Variants in CLUAP1 observed in about 807,000 individuals in gnomAD.
CLUAP1 encodes the protein intraflagellar transport 38, also known as clusterin-associated protein 1.
A neutral mutation model predicts 55.0 loss-of-function variants in CLUAP1; 50 were observed. The ratio of observed to expected loss-of-function variants is 0.91; its 90% CI spans 0.72 to 1.15. The LOEUF (loss-of-function observed/expected upper bound fraction) is 1.15. Ranked by LOEUF, CLUAP1 falls within the 50% of genes most tolerant of loss-of-function variation. The pLI is 0.00. For missense variants in CLUAP1, 530 were observed against 507.6 expected (o/e 1.04, Z -0.42); for synonymous variants, 195 against 175.4 (o/e 1.11, Z -0.88).
At chr16:3,504,164 A>G (rs574390411) in intron 1 of CLUAP1, among the ~76,000 whole-genome samples, 1 of 152,198 alleles carries the variant, frequency 6.6e-6, no homozygotes, top group East Asian at 1.9e-4. Context: ...TAGTTCAACC[A>G]CTCTATTTAA....
chr16:3,510,961 A>G (rs1186632704), intron 4 of CLUAP1, among the ~76,000 whole-genome samples: 1 of 152,186 alleles, frequency 6.6e-6, no homozygotes, highest in African/African-American at 2.4e-5. Context: ...CAGCACACAG[A>G]TGGTATTAAA....
At chr16:3,510,704 T>C (rs768928992) in intron 4 of CLUAP1, among the ~76,000 whole-genome samples, 232 of 152,364 alleles carry the variant, frequency 1.5e-3, no homozygotes, top group Non-Finnish European at 2.7e-3. Context: ...TCTTTAATTC[T>C]TAAGTAATTT....
chr16:3,511,504 G>A (rs1320309535), intron 4 of CLUAP1, among the ~76,000 whole-genome samples: 2 of 152,192 alleles, frequency 1.3e-5, no homozygotes, highest in African/African-American at 4.8e-5. Context: ...GCCTGTGGAG[G>A]AAAGTCTGAG....
intron 4 of CLUAP1, among the ~76,000 whole-genome samples, chr16:3,510,126 C>CT (rs1567426201): frequency 6.6e-6 from 1 of 152,056 alleles, no homozygotes; most frequent in Non-Finnish European, 1.5e-5. Context: ...TCCTGAGTAG[C>CT]TGAGATTACA....
At chr16:3,495,790 G>A in the CLUAP1 span, among the ~76,000 whole-genome samples, 2 of 152,178 alleles carry the variant, frequency 1.3e-5, no homozygotes, top group African/African-American at 4.8e-5. Context: ...GACCTAGGAA[G>A]ACCTAGGTCG....
intron 6 of CLUAP1, among the ~76,000 whole-genome samples, chr16:3,518,046 A>G (rs183332486): frequency 6.6e-6 from 1 of 152,032 alleles, no homozygotes; most frequent in Non-Finnish European, 1.5e-5. Flanking sequence ...TGTTTTGATG[A>G]TTGTATTGTG....
At chr16:3,524,330 G>A (rs952610414) in intron 8 of CLUAP1, among the ~76,000 whole-genome samples, 13 of 150,962 alleles carry the variant, frequency 8.6e-5, no homozygotes, top group Admixed American at 5.9e-4. Context: ...GGCCGGGCGC[G>A]GTGGCTCACG....
At chr16:3,533,383 T>TG (rs2038168092) in intron 11 of CLUAP1, 5 of 547,748 alleles carry the variant, frequency 9.1e-6, no homozygotes, top group Non-Finnish European at 1.6e-5. Flanking sequence ...CCTCAGGCCC[T>TG]GGGCCGCCAC....
intron 2 of CLUAP1, among the ~76,000 whole-genome samples, 177 bp downstream of exon 2, chr16:3,505,008 T>C (rs902741765): frequency 5.3e-5 from 8 of 152,150 alleles, no homozygotes; most frequent in African/African-American, 1.9e-4. Context: ...ACTGCTCTCA[T>C]CCCAGCACTT....
chr16:3,536,091 C>T (rs749481534), intron 11 of CLUAP1, 31 bp from the exon 12 acceptor site: 6 of 1,609,784 alleles, frequency 3.7e-6, no homozygotes, highest in Non-Finnish European at 5.1e-6. Flanking sequence ...AGGCAGGATC[C>T]CCCGTTGCAT....
At chr16:3,529,953 CATATATA>C (rs1180680621) in intron 9 of CLUAP1, among the ~76,000 whole-genome samples, 1 of 123,942 alleles carries the variant, frequency 8.1e-6, no homozygotes, top group African/African-American at 3.1e-5. Flanking sequence ...AATTATATAA[CATATATA>C]ATATATTAGT....
chr16:3,513,944 G>T (rs1217253742), intron 5 of CLUAP1, among the ~76,000 whole-genome samples: 3 of 152,202 alleles, frequency 2.0e-5, no homozygotes, highest in Non-Finnish European at 4.4e-5. Context: ...GTGGAAGTCT[G>T]GGGAAGAGGG....
chr16:3,517,479 G>GT lies in CLUAP1; in HGVS notation c.579+1899dup, dbSNP rs879541774. Among the ~76,000 whole-genome samples, 506 of 143,468 alleles carry GT rather than the reference G, an allele frequency of 3.5e-3. 2 individuals are homozygous for GT. Among genetic ancestry groups the GT allele is most frequent in the African/African-American group, 9.8e-3 (385 of 39,290 alleles). The allele number at this position is 143,468 out of a possible 152,430, so 94.1% of individuals were successfully genotyped here. ...GCGCCACCACGCCCAGCTAATTTTT[G>GT]TTTTTTTTTTTAGTAGAGATGGAGT... On this transcript the variant is annotated intron_variant, in intron 6 of 11. Transcript: ENST00000576634.
At position 3,536,149 on chromosome 16, in the gene CLUAP1, A is replaced by G. The variant is rs2038227056; in HGVS notation, c.1120A>G (p.Met374Val). The G allele has an allele frequency of 6.2e-7, 1 of 1,614,146 alleles. No homozygotes were observed. The highest frequency in any genetic ancestry group is 1.7e-5 in the Admixed American group (1 of 60,010). ...NEDSEESEIDMEDDDDEDDDL... is the reference protein window; with the variant it reads ...NEDSEESEIDVEDDDDEDDDL... ...GGACTCGGAGGAGAGTGAAATTGAC[A>G]TGGAAGATGATGATGACGAGGATGA... Residue 374 changes from methionine to valine, a missense_variant, in exon 12 of 12, where the codon ATG (methionine) becomes GTG (valine). Transcript: ENST00000576634.
chr16:3,533,227 C>A, intron 11 of CLUAP1: 2 of 1,205,634 alleles, frequency 1.7e-6, no homozygotes, highest in South Asian at 1.3e-5. Flanking sequence ...AGGGGCCTCT[C>A]CCTAGGAGTG....
intron 7 of CLUAP1, 66 bp downstream of exon 7, chr16:3,520,102 G>T: frequency 1.4e-6 from 2 of 1,470,680 alleles, no homozygotes; most frequent in Non-Finnish European, 1.8e-6. Flanking sequence ...ACTGGGCGTG[G>T]TGGCTCATGT....
At chr16:3,519,266 G>C (rs2037788209) in intron 6 of CLUAP1, among the ~76,000 whole-genome samples, 1 of 152,208 alleles carries the variant, frequency 6.6e-6, no homozygotes, top group African/African-American at 2.4e-5. Context: ...TGTTGCCCTG[G>C]ACCCCTTCCA....
chr16:3,504,078 C>T (rs2037458545), intron 1 of CLUAP1, among the ~76,000 whole-genome samples: 1 of 152,198 alleles, frequency 6.6e-6, no homozygotes, highest in African/African-American at 2.4e-5. Context: ...CCTGAGGTGA[C>T]CCCAACCTAT....
chr16:3,501,511 G>A (rs577906841), intron 1 of CLUAP1, among the ~76,000 whole-genome samples: 22 of 152,300 alleles, frequency 1.4e-4, no homozygotes, highest in Admixed American at 8.5e-4. Flanking sequence ...GGCCGGGCGC[G>A]GTGGCTCACG....
Sources: allele counts gnomAD v4.1 joint callset (sites outside exome capture counted in the v4.1 genomes callset), GRCh38; gene constraint gnomAD v4.1.1; transcripts MANE v1.5; gene names NCBI Gene and HGNC (gene_info 2026-07-23, HGNC 2026-07-21).